Variants in CLDN11 observed in about 807,000 individuals in gnomAD.
CLDN11 encodes claudin 11.
In CLDN11, 1 loss-of-function variant was observed where a neutral mutation model predicts 18.0. That is an observed-to-expected ratio of 0.06 (90% CI 0.02 to 0.26). The LOEUF is 0.26. Ranked by LOEUF, CLDN11 falls within the 10% of genes least tolerant of loss-of-function variation. The probability of loss-of-function intolerance (pLI) is 1.00; values close to 1 mark genes in which losing one functional copy is unlikely to be tolerated. For synonymous variants in CLDN11, 116 were observed against 121.5 expected, an observed-to-expected ratio of 0.96 and a Z score of 0.30; for missense variants, 172 against 276.6, an observed-to-expected ratio of 0.62 and a Z score of 2.68.
Position 170,419,195 on chromosome 3 carries a change from G to C in CLDN11, c.129G>C (p.Lys43Asn), listed in dbSNP as rs376285070. Residue 43 changes from lysine (K) to asparagine (N), a missense_variant, in exon 1 of 3, where the codon AAG becomes AAC. Transcript: ENST00000064724. This position sits in a 1 kb window ranked among gnomAD's most constrained non-coding sequence, Gnocchi z 8.6. ...GCTACACCATCCCCACCTGCCGCAA[G>C]CTGGATGAGCTGGGCTCCAAGGGGC... Reference protein sequence around the residue: ...TCGYTIPTCRKLDELGSKGLW... With the variant: ...TCGYTIPTCRNLDELGSKGLW... 5 of 1,565,412 alleles carry C rather than the reference G, an allele frequency of 3.2e-6. No individual in the cohort carries two copies. Among genetic ancestry groups the C allele is most frequent in the South Asian group, 2.4e-5 (2 of 84,846 alleles).
intron 2 of CLDN11, among the ~76,000 whole-genome samples, chr3:170,428,223 G>T (rs550833150): frequency 6.0e-5 from 9 of 150,980 alleles, no homozygotes; most frequent in African/African-American, 2.2e-4. Context: ...CTCTTTGTCT[G>T]TCTGTCTGTC....
intron 1 of CLDN11, among the ~76,000 whole-genome samples, chr3:170,421,559 C>A (rs79030050): frequency 6.6e-6 from 1 of 152,170 alleles, no homozygotes; most frequent in African/African-American, 2.4e-5. Flanking sequence ...TGAAGTTAGG[C>A]CTTTTTGCAC....
At chr3:170,431,334 A>T (rs1224639896) in intron 2 of CLDN11, among the ~76,000 whole-genome samples, 1 of 152,086 alleles carries the variant, frequency 6.6e-6, no homozygotes, top group Non-Finnish European at 1.5e-5. Flanking sequence ...GAATTTGTTG[A>T]TGGAAACCTC....
intron 2 of CLDN11, among the ~76,000 whole-genome samples, chr3:170,428,783 T>C (rs1439327192): frequency 6.6e-6 from 1 of 152,264 alleles, no homozygotes; most frequent in African/African-American, 2.4e-5. Flanking sequence ...AAAATTACTC[T>C]GTCTTGTTTT....
At position 170,433,300 on chromosome 3, in the gene CLDN11, C is replaced by T. The variant is rs2108249842; in HGVS notation, c.*544C>T. On this transcript the variant is annotated 3_prime_UTR_variant, in exon 3 of 3. Transcript: ENST00000064724. ...GGACTACAGGCGTTCACTACTACAC[C>T]CAGCTAATTTTTAAGTTTTTTATAG... 6.6e-6 allele frequency: 1 copy of T among 151,758 alleles called. No homozygotes were observed. The highest frequency in any genetic ancestry group is 2.4e-5 in the African/African-American group (1 of 41,334). The allele number at this position is 151,758 out of a possible 1,614,324, so 9.4% of individuals were successfully genotyped here.
Position 170,423,285 on chromosome 3 carries a change from T to C in CLDN11, c.349T>C (p.Tyr117His), listed in dbSNP as rs1738766005. The change falls in exon 2 of 3, where the codon TAC becomes CAC. Residue 117 changes from tyrosine to histidine, a missense_variant. Physicochemically the swap from Tyr to His is moderately conservative, Grantham distance 83. This residue lies in a region of CLDN11 where 161 missense variants were observed against 240.3 expected (regional missense o/e 0.67). Transcript: ENST00000064724. ...GGGCCAGGAGCCCGGTGTGGCTAAG[T>C]ACAGGCGGGCCCAGCTGGCTGGTGT... is the stretch of plus-strand genomic sequence containing the variant. ...RMGQEPGVAK[Y>H]RRAQLAGVLL... 2.5e-6 allele frequency: 4 copies of C among 1,614,034 alleles called. No individual in the cohort carries two copies. Among genetic ancestry groups the C allele is most frequent in the Admixed American group, 1.7e-5 (1 of 60,000 alleles).
At chr3:170,423,701 G>A (rs990304440) in intron 2 of CLDN11, 1 of 191,528 alleles carries the variant, frequency 5.2e-6, no homozygotes, top group East Asian at 1.2e-4. Context: ...TGGGCATCAG[G>A]CCAGGCAAAG....
intron 2 of CLDN11, among the ~76,000 whole-genome samples, chr3:170,427,265 A>C (rs1029872888): frequency 6.6e-6 from 1 of 152,184 alleles, no homozygotes; most frequent in African/African-American, 2.4e-5. Flanking sequence ...TAATGTAAGA[A>C]GTCAGAATAA....
chr3:170,420,011 G>A (rs753141765), intron 1 of CLDN11, among the ~76,000 whole-genome samples: 28 of 152,358 alleles, frequency 1.8e-4, no homozygotes, highest in Non-Finnish European at 3.7e-4. Flanking sequence ...GGTTGGATAG[G>A]GACGAGCGGG....
chr3:170,419,542 T>C lies in CLDN11; in HGVS notation c.226+250T>C, dbSNP rs1738669473. 6.6e-6 allele frequency among the ~76,000 whole-genome samples: 1 copy of C among 152,174 alleles called. No homozygotes were observed. Among genetic ancestry groups the C allele is most frequent in the Non-Finnish European group, 1.5e-5 (1 of 68,036 alleles). ...CGGTGGTAACACTGGCCGGGTCCCT[T>C]TGAGAATGAACAAACCGGAACACCT... On this transcript the variant is annotated intron_variant, in intron 1 of 2. Transcript: ENST00000064724. The surrounding 1 kb of genome is among the most constrained non-coding windows in gnomAD (Gnocchi z 8.6).
intron 2 of CLDN11, 146 bp from the exon 3 acceptor site, chr3:170,432,378 C>T: frequency 7.2e-7 from 1 of 1,395,844 alleles, no homozygotes. Flanking sequence ...CATATTGGTT[C>T]AGTGTTGAGG....
chr3:170,430,516 G>A (rs1738971542), intron 2 of CLDN11, among the ~76,000 whole-genome samples: 1 of 149,604 alleles, frequency 6.7e-6, no homozygotes, highest in South Asian at 2.1e-4. Flanking sequence ...ATTAGCATAT[G>A]GATAGATTTT....
intron 2 of CLDN11, among the ~76,000 whole-genome samples, chr3:170,431,774 A>G (rs2108248922): frequency 6.6e-6 from 1 of 152,340 alleles, no homozygotes; most frequent in East Asian, 1.9e-4. Flanking sequence ...AAGTTCTACC[A>G]TTTTGACCCT....
At position 170,419,630 on chromosome 3, in the gene CLDN11, C is replaced by T. The variant is rs537142512; in HGVS notation, c.226+338C>T. Among the ~76,000 whole-genome samples the T allele has an allele frequency of 2.6e-5, 4 of 152,376 alleles. No homozygotes were observed. The highest frequency in any genetic ancestry group is 1.9e-4 in the East Asian group (1 of 5,172). ...GCCCGCATCCTTCCACCGTCCGCTT[C>T]CCGAAGTGCTTCCCGCTCCCGCCCG... is the stretch of plus-strand genomic sequence containing the variant. On this transcript the variant is annotated intron_variant, in intron 1 of 2. Coordinates refer to ENST00000064724, the MANE Select transcript of CLDN11 (RefSeq NM_005602.6). The surrounding 1 kb of genome is among the most constrained non-coding windows in gnomAD (Gnocchi z 8.6).
At position 170,421,266 on chromosome 3, in the gene CLDN11, G is replaced by A. The variant is rs933447165; in HGVS notation, c.227-1897G>A. 1.5e-5 allele frequency: 15 copies of A among 985,552 alleles called. No individual in the cohort carries two copies. The African/African-American group carries it at 2.4e-4, about 16-fold the overall frequency. 61.1% of individuals were successfully genotyped at this position (985,552 alleles called of 1,614,324 possible). On this transcript the variant is annotated intron_variant, in intron 1 of 2. Coordinates refer to ENST00000064724, the MANE Select transcript of CLDN11 (RefSeq NM_005602.6). Reference sequence around the variant, plus strand: ...TCTTTTGGTGTCCGGACATGGCCTTGGCACTGTAGCATGTGGACAGCCAGT... The same window carrying A: ...TCTTTTGGTGTCCGGACATGGCCTTAGCACTGTAGCATGTGGACAGCCAGT...
Position 170,419,402 on chromosome 3 carries a change from C to A in CLDN11, c.226+110C>A. Reference sequence around the variant, plus strand: ...TTGGGGGCTTGAAGACCTTTGGGTACGTTTTTGACATCCCTAGTCCCACCT... The same window carrying A: ...TTGGGGGCTTGAAGACCTTTGGGTAAGTTTTTGACATCCCTAGTCCCACCT... On this transcript the variant is annotated intron_variant, in intron 1 of 2. Transcript: ENST00000064724. This position sits in a 1 kb window ranked among gnomAD's most constrained non-coding sequence, Gnocchi z 8.6. The A allele has an allele frequency of 2.7e-6, 2 of 736,038 alleles. No individual in the cohort carries two copies. Among genetic ancestry groups the A allele is most frequent in the Non-Finnish European group, 2.2e-6 (1 of 454,812 alleles). The allele number at this position is 736,038 out of a possible 1,614,324, so 45.6% of individuals were successfully genotyped here.
chr3:170,425,509 G>A (rs1159782933), intron 2 of CLDN11, among the ~76,000 whole-genome samples: 1 of 152,216 alleles, frequency 6.6e-6, no homozygotes, highest in Non-Finnish European at 1.5e-5. Flanking sequence ...AAAAGCAACC[G>A]GTGGTTTGAA....
At position 170,432,676 on chromosome 3, in the gene CLDN11, G is replaced by A. The variant is rs554701884; in HGVS notation, c.544G>A (p.Ala182Thr). Residue 182 changes from alanine (A) to threonine (T), a missense_variant, in exon 3 of 3, where the codon GCC (alanine) becomes ACC (threonine). Around this residue, in one of 3 missense-constraint regions of CLDN11, gnomAD observed 161 missense variants for 240.3 expected, o/e 0.67. Transcript: ENST00000064724. ...TGTCATCCTCTGCTGCGCTGGAGAT[G>A]CCCAGGCCTTTGGTGAAAACCGTTT... Reference protein sequence around the residue: ...GCVILCCAGDAQAFGENRFYY... With the variant: ...GCVILCCAGDTQAFGENRFYY... 20 of 1,614,052 alleles carry A rather than the reference G, an allele frequency of 1.2e-5. No homozygotes were observed. The highest frequency in any genetic ancestry group is 1.7e-5 in the Non-Finnish European group (20 of 1,180,038).
intron 2 of CLDN11, among the ~76,000 whole-genome samples, chr3:170,429,473 T>C (rs1006476849): frequency 1.3e-5 from 2 of 152,224 alleles, no homozygotes; most frequent in Admixed American, 6.5e-5. Context: ...TTTTGGTATG[T>C]ATGAAGTAAA....
Sources: gnomAD v4.1 joint callset for allele counts (sites outside exome capture counted in the v4.1 genomes callset) on GRCh38, gnomAD v4.1.1 for gene constraint, gnomAD v4.1.1 regional missense constraint, Gnocchi (gnomAD v3.1) non-coding constraint, MANE v1.5 for transcripts, NCBI Gene and HGNC (gene_info 2026-07-23, HGNC 2026-07-21) for gene names.